Variants in FAM81A observed in about 807,000 individuals in gnomAD.
FAM81A encodes family with sequence similarity 81 member A.
FAM81A carries 19 observed loss-of-function variants against 46.7 expected under a neutral mutation model. That is an observed-to-expected ratio of 0.41 (90% confidence interval 0.28 to 0.60). The LOEUF (loss-of-function observed/expected upper bound fraction) is 0.60. FAM81A is among the 20% of genes least tolerant of loss of function. The pLI is 0.34. For synonymous variants in FAM81A, 183 were observed against 152.9 expected (o/e 1.20, Z -1.45); for missense variants, 377 against 453.5 (o/e 0.83, Z 1.53).
chr15:59,483,922 G>C (rs923172685), intron 3 of FAM81A, among the ~76,000 whole-genome samples: 3 of 152,164 alleles, frequency 2.0e-5, no homozygotes, highest in Non-Finnish European at 4.4e-5. Flanking sequence ...GGGCGGGCTC[G>C]TTCCCCACTG....
chr15:59,451,115 T>C (rs2081413527), intron 1 of FAM81A, among the ~76,000 whole-genome samples: 1 of 152,232 alleles, frequency 6.6e-6, no homozygotes, highest in South Asian at 2.1e-4. Flanking sequence ...GTCATGGGTT[T>C]AGATCAGCAT....
intron 8 of FAM81A, among the ~76,000 whole-genome samples, chr15:59,519,336 G>A (rs1250891611): frequency 5.3e-5 from 8 of 151,778 alleles, no homozygotes; most frequent in Admixed American, 5.3e-4. Context: ...TTGTAGATGT[G>A]CACCACCAGG....
chr15:59,515,157 C>T (rs2082253667), intron 7 of FAM81A, among the ~76,000 whole-genome samples: 1 of 152,074 alleles, frequency 6.6e-6, no homozygotes, highest in South Asian at 2.1e-4. Context: ...AGCCTGAATC[C>T]ACCTTGAGCC....
At chr15:59,499,108 C>T (rs1337079736) in intron 4 of FAM81A, among the ~76,000 whole-genome samples, 1 of 152,046 alleles carries the variant, frequency 6.6e-6, no homozygotes, top group Non-Finnish European at 1.5e-5. Context: ...TTGAGATGAT[C>T]GTGTGGGGTT....
chr15:59,413,550 A>G (rs779580438), intron 2 of FAM81A, among the ~76,000 whole-genome samples: 7 of 152,050 alleles, frequency 4.6e-5, no homozygotes, highest in Non-Finnish European at 1.0e-4. Flanking sequence ...GCAAATCAAA[A>G]AGTCTCTGTA....
upstream of FAM81A, among the ~76,000 whole-genome samples, chr15:59,437,533 G>C (rs964060594): frequency 3.3e-5 from 5 of 152,124 alleles, no homozygotes; most frequent in Non-Finnish European, 7.4e-5. Context: ...AGGGGTGTTC[G>C]GGGTTCTTCT....
intron 1 of FAM81A, chr15:59,438,970 C>G (rs1164726146): frequency 2.0e-5 from 3 of 152,178 alleles, no homozygotes; most frequent in Non-Finnish European, 4.4e-5. Context: ...GATTAATGCT[C>G]CTAAGTTCTT....
intron 3 of FAM81A, among the ~76,000 whole-genome samples, chr15:59,477,280 C>T (rs1481958514): frequency 6.6e-6 from 1 of 152,070 alleles, no homozygotes; most frequent in Non-Finnish European, 1.5e-5. Context: ...AGAATATCTT[C>T]TGTAAATTGC....
chr15:59,468,749 A>C lies in FAM81A; in HGVS notation c.294+8543A>C, dbSNP rs181509437. Among the ~76,000 whole-genome samples, 654 of 150,472 alleles carry C rather than the reference A, an allele frequency of 4.3e-3. 6 individuals are homozygous for C. The highest frequency in any genetic ancestry group is 0.014 in the South Asian group (66 of 4,770). The stretch of plus-strand genomic sequence containing the variant: ...TTTGAGCTTAGTTATTTCTTGCCTT[A>C]TGCTAGCTTTTGAATGTGTTTGCTC... On this transcript the variant is annotated intron_variant, in intron 3 of 8. Coordinates refer to ENST00000288228, the MANE Select transcript of FAM81A (RefSeq NM_152450.3).
intron 2 of FAM81A, among the ~76,000 whole-genome samples, chr15:59,421,721 GTCTGTCTGTCTATCTATCTA>G (rs1206972714): frequency 4.2e-4 from 54 of 128,542 alleles, no homozygotes; most frequent in African/African-American, 1.5e-3. Context: ...CTATCTGTCT[GTCTGTCTGTCTATCTATCTA>G]TCTGTCTATC....
chr15:59,442,476 G>C (rs1325967114), intron 1 of FAM81A, among the ~76,000 whole-genome samples: 1 of 151,734 alleles, frequency 6.6e-6, no homozygotes, highest in Non-Finnish European at 1.5e-5. Flanking sequence ...AATTAGCTGG[G>C]CATGGTGGTG....
chr15:59,503,348 A>G (rs922661687), intron 4 of FAM81A, among the ~76,000 whole-genome samples: 6 of 122,448 alleles, frequency 4.9e-5, no homozygotes, highest in African/African-American at 2.1e-4. Context: ...CTCATAAGTA[A>G]TAATAAGATA....
At chr15:59,450,692 A>G (rs113939695) in intron 1 of FAM81A, among the ~76,000 whole-genome samples, 2 of 152,242 alleles carry the variant, frequency 1.3e-5, no homozygotes, top group African/African-American at 4.8e-5. Flanking sequence ...AATGTTGCAT[A>G]TATTAAGAAC....
At chr15:59,433,120 C>CA (rs2081228012) in intron 2 of FAM81A, among the ~76,000 whole-genome samples, 1 of 100,454 alleles carries the variant, frequency 1.0e-5, no homozygotes. Flanking sequence ...CCAGCCTGGG[C>CA]ACAGAGCGAG....
At chr15:59,465,368 G>T (rs1479504145) in intron 3 of FAM81A, among the ~76,000 whole-genome samples, 1 of 152,164 alleles carries the variant, frequency 6.6e-6, no homozygotes, top group Admixed American at 6.5e-5. Context: ...AGCCTCCCAG[G>T]TTCAAGTGTT....
chr15:59,458,681 T>A (rs1447827566), intron 2 of FAM81A, 35 bp downstream of exon 2: 1 of 1,567,554 alleles, frequency 6.4e-7, no homozygotes, highest in East Asian at 2.2e-5. Context: ...CCATGGGGGC[T>A]GCTAGTGGGT....
At chr15:59,447,454 C>T (rs2081365282) in intron 1 of FAM81A, among the ~76,000 whole-genome samples, 1 of 152,212 alleles carries the variant, frequency 6.6e-6, no homozygotes, top group South Asian at 2.1e-4. Flanking sequence ...CTAAAAAATT[C>T]TGGTCAGGGG....
rs1002981264 is a variant in FAM81A, at chr15:59,439,380, G to A, written c.-78+1098G>A. Among the ~76,000 whole-genome samples, 6 of 151,650 alleles carry A rather than the reference G, an allele frequency of 4.0e-5. No homozygotes were observed. The East Asian group carries it at 7.7e-4, about 20-fold the overall frequency. ...CCTTCTGGGCCCTGTCACTGAATGC[G>A]CGTGTGTGTATGTGTGTGTGTGTGT... On this transcript the variant is annotated intron_variant, in intron 1 of 8. Transcript: ENST00000288228.
intron 1 of FAM81A, among the ~76,000 whole-genome samples, chr15:59,455,081 T>G (rs1330310530): frequency 6.7e-6 from 1 of 150,074 alleles, no homozygotes; most frequent in Non-Finnish European, 1.5e-5. Context: ...TTTTTTTTTT[T>G]GTAGAGATGG....
Sources: gnomAD v4.1 joint callset for allele counts (sites outside exome capture counted in the v4.1 genomes callset) on GRCh38, gnomAD v4.1.1 for gene constraint, MANE v1.5 for transcripts, NCBI Gene and HGNC (gene_info 2026-07-23, HGNC 2026-07-21) for gene names.